NOVA1: variants seen among roughly 807,000 people sequenced by gnomAD.
NOVA1 encodes NOVA alternative splicing regulator 1, also known as RNA-binding protein Nova-1.
NOVA1 carries 7 observed loss-of-function variants against 38.0 expected under a neutral mutation model. The observed-to-expected ratio is 0.18, with a 90% CI of 0.10 to 0.35. NOVA1 has a LOEUF of 0.35. Ranked by LOEUF, NOVA1 falls within the 10% of genes least tolerant of loss-of-function variation. The pLI is 1.00. For synonymous variants in NOVA1, 270 were observed against 232.5 expected (o/e 1.16, Z -1.47); for missense variants, 460 against 616.0 (o/e 0.75, Z 2.68).
intron 2 of NOVA1, among the ~76,000 whole-genome samples, chr14:26,584,716 G>T (rs1360619380): frequency 6.6e-6 from 1 of 151,172 alleles, no homozygotes; most frequent in East Asian, 1.9e-4. Flanking sequence ...TTCCACTTTT[G>T]TTCACCAAGC....
intron 4 of NOVA1, among the ~76,000 whole-genome samples, chr14:26,454,683 TTC>T (rs1192487832): frequency 6.6e-6 from 1 of 152,208 alleles, no homozygotes; most frequent in Non-Finnish European, 1.5e-5. Flanking sequence ...TATTTTTACA[TTC>T]TTTTTATATC....
intron 2 of NOVA1, among the ~76,000 whole-genome samples, chr14:26,569,713 C>A (rs1892354791): frequency 6.6e-6 from 1 of 152,142 alleles, no homozygotes; most frequent in African/African-American, 2.4e-5. Context: ...CCATTATTGA[C>A]AAATAATCAC....
intron 4 of NOVA1, among the ~76,000 whole-genome samples, chr14:26,459,784 A>C (rs1390686261): frequency 6.6e-6 from 1 of 152,002 alleles, no homozygotes; most frequent in African/African-American, 2.4e-5. Flanking sequence ...ATTGGAAGTA[A>C]ATGTCTCAAC....
rs912864754 is a variant in NOVA1 at position 26,444,071 on chromosome 14, A to G, written c.*3888T>C. 2 of 152,118 alleles carry G rather than the reference A, an allele frequency of 1.3e-5. No individual in the cohort carries two copies. The highest frequency in any genetic ancestry group is 2.4e-5 in the African/African-American group (1 of 41,450). The allele number at this position is 152,118 out of a possible 1,614,324, so 9.4% of individuals were successfully genotyped here. A position where few individuals can be genotyped will look rare whatever the true frequency, so the allele number is the denominator to read the frequency against. ...TCAGTGAGGAATCAGCATATAAATC[A>G]AGACTGAAATATAAGAATGGATTAA... is the stretch of plus-strand genomic sequence containing the variant. On this transcript the variant is annotated 3_prime_UTR_variant, in exon 5 of 5. Coordinates refer to ENST00000539517, the MANE Select transcript of NOVA1 (RefSeq NM_002515.3).
intron 2 of NOVA1, among the ~76,000 whole-genome samples, chr14:26,586,332 G>C (rs894605397): frequency 9.3e-5 from 14 of 151,096 alleles, no homozygotes; most frequent in African/African-American, 3.4e-4. Context: ...TAGCCAAAAA[G>C]GAGAAAACAG....
At chr14:26,498,338 T>A (rs187969198) in intron 2 of NOVA1, among the ~76,000 whole-genome samples, 59 of 152,184 alleles carry the variant, frequency 3.9e-4, no homozygotes, top group Non-Finnish European at 4.7e-4. Context: ...AGTGCTGGAA[T>A]TACAGGCGTG....
chr14:26,558,382 T>C (rs1324373445), intron 2 of NOVA1, among the ~76,000 whole-genome samples: 2 of 152,108 alleles, frequency 1.3e-5, no homozygotes, highest in African/African-American at 2.4e-5. Context: ...AAGTTGTTAA[T>C]AGTAAGAAAA....
intron 2 of NOVA1, among the ~76,000 whole-genome samples, chr14:26,570,465 C>T (rs1892401310): frequency 6.6e-6 from 1 of 151,294 alleles, no homozygotes; most frequent in Non-Finnish European, 1.5e-5. Flanking sequence ...CCATCAATGG[C>T]AAAATTGCAG....
chr14:26,486,902 C>T (rs934664274), intron 2 of NOVA1, among the ~76,000 whole-genome samples: 3 of 151,834 alleles, frequency 2.0e-5, no homozygotes, highest in Admixed American at 6.6e-5. Flanking sequence ...AAATTCTATA[C>T]AAGCATCTTA....
chr14:26,458,587 G>T (rs995216397), intron 4 of NOVA1, among the ~76,000 whole-genome samples: 1 of 152,010 alleles, frequency 6.6e-6, no homozygotes, highest in African/African-American at 2.4e-5. Context: ...AATACTGCTT[G>T]TTCTCCCTTA....
At chr14:26,463,140 T>C (rs1219719467) in intron 4 of NOVA1, among the ~76,000 whole-genome samples, 1 of 152,184 alleles carries the variant, frequency 6.6e-6, no homozygotes, top group East Asian at 1.9e-4. Flanking sequence ...CAGAATTTAT[T>C]TAATCACTCT....
At chr14:26,532,630 T>C (rs1419217363) in intron 2 of NOVA1, among the ~76,000 whole-genome samples, 1 of 152,180 alleles carries the variant, frequency 6.6e-6, no homozygotes, top group Non-Finnish European at 1.5e-5. Context: ...TTGACTATGG[T>C]GGCAGTTGCA....
chr14:26,545,462 A>G (rs1009980411), intron 2 of NOVA1, among the ~76,000 whole-genome samples: 1 of 152,128 alleles, frequency 6.6e-6, no homozygotes, highest in Non-Finnish European at 1.5e-5. Flanking sequence ...TACAGTATCA[A>G]TAAATCAATA....
At chr14:26,494,529 C>A (rs1199219318) in intron 2 of NOVA1, among the ~76,000 whole-genome samples, 1 of 152,162 alleles carries the variant, frequency 6.6e-6, no homozygotes, top group East Asian at 1.9e-4. Context: ...TAAACTGTAG[C>A]CATGAGGAAA....
chr14:26,454,291 T>G (rs1882974737), intron 4 of NOVA1, among the ~76,000 whole-genome samples: 1 of 152,216 alleles, frequency 6.6e-6, no homozygotes, highest in South Asian at 2.1e-4. Flanking sequence ...AGGTCTGACC[T>G]ATTGCTATAC....
chr14:26,525,050 A>G (rs1488816229), intron 2 of NOVA1, among the ~76,000 whole-genome samples: 1 of 152,184 alleles, frequency 6.6e-6, no homozygotes, highest in Non-Finnish European at 1.5e-5. Flanking sequence ...AAGATAAAAT[A>G]TTTACATGGT....
At chr14:26,564,676 T>C (rs889027671) in intron 2 of NOVA1, among the ~76,000 whole-genome samples, 9 of 152,132 alleles carry the variant, frequency 5.9e-5, no homozygotes, top group African/African-American at 2.2e-4. Flanking sequence ...TTCACAGAGT[T>C]TGCAAGAGAC....
At chr14:26,555,478 A>T (rs1365392031) in intron 2 of NOVA1, among the ~76,000 whole-genome samples, 2 of 152,126 alleles carry the variant, frequency 1.3e-5, no homozygotes, top group Non-Finnish European at 2.9e-5. Flanking sequence ...TATTCAACAC[A>T]TATTTTATCA....
At chr14:26,554,575 T>C (rs1891369285) in intron 2 of NOVA1, among the ~76,000 whole-genome samples, 1 of 152,156 alleles carries the variant, frequency 6.6e-6, no homozygotes, top group South Asian at 2.1e-4. Context: ...CAGAAATCTA[T>C]GACATCATCT....
Sources: gnomAD v4.1 joint callset for allele counts (sites outside exome capture counted in the v4.1 genomes callset) on GRCh38, gnomAD v4.1.1 for gene constraint, MANE v1.5 for transcripts, NCBI Gene and HGNC (gene_info 2026-07-23, HGNC 2026-07-21) for gene names.